AKR1C4: variants seen among roughly 807,000 people sequenced by gnomAD.
AKR1C4 encodes the protein 3-alpha-HSD1.
In AKR1C4, 44 loss-of-function variants were observed where a neutral mutation model predicts 41.0. The observed-to-expected ratio is 1.07, with a 90% confidence interval of 0.84 to 1.38. The LOEUF (loss-of-function observed/expected upper bound fraction) is 1.38. Among genes scored for constraint, AKR1C4 ranks in the 40% most tolerant of loss-of-function variants. The pLI is 0.00. For synonymous variants in AKR1C4, 165 were observed against 137.7 expected, an observed-to-expected ratio of 1.20 and a Z score of -1.39; for missense variants, 438 against 387.9, an observed-to-expected ratio of 1.13 and a Z score of -1.09.
intron 8 of AKR1C4, among the ~76,000 whole-genome samples, chr10:5,217,046 A>G (rs1008286969): frequency 6.6e-6 from 1 of 152,250 alleles, no homozygotes; most frequent in African/African-American, 2.4e-5. Context: ...AGAGCAGCCA[A>G]TATTATTGCT....
At chr10:5,204,343 T>C in intron 2 of AKR1C4, 34 bp from the exon 3 acceptor site, 1 of 1,483,030 alleles carries the variant, frequency 6.7e-7, no homozygotes. Context: ...GCTCATGTTT[T>C]TATTCAACAT....
In AKR1C4 at chr10:5,218,868, C is replaced by A; in HGVS notation, c.*108C>A. On this transcript the variant is annotated 3_prime_UTR_variant, in exon 9 of 9. Coordinates refer to ENST00000263126, the MANE Select transcript of AKR1C4 (RefSeq NM_001818.5). ...ACACACAGCCTCTGGTTAAATCCCT[C>A]CCCTCCTGCTTGGCAACTTCAGCTA... 2.9e-6 allele frequency: 3 copies of A among 1,045,350 alleles called. No homozygotes were observed. The highest frequency in any genetic ancestry group is 4.3e-6 in the Non-Finnish European group (3 of 701,290). The allele number at this position is 1,045,350 out of a possible 1,614,324, so 64.8% of individuals were successfully genotyped here. A position where few individuals can be genotyped will look rare whatever the true frequency, so the allele number is the denominator to read the frequency against.
chr10:5,198,413 A>G (rs942204755), intron 1 of AKR1C4, among the ~76,000 whole-genome samples: 1 of 152,034 alleles, frequency 6.6e-6, no homozygotes, highest in Non-Finnish European at 1.5e-5. Context: ...TCTATAATTA[A>G]CTGGTTGTAC....
intron 3 of AKR1C4, 107 bp from the exon 4 acceptor site, chr10:5,205,650 T>C: frequency 1.1e-6 from 1 of 930,894 alleles, no homozygotes; most frequent in Non-Finnish European, 1.6e-6. Context: ...TTCTAGAACA[T>C]TTCAGCACCT....
At chr10:5,199,392 C>T (rs933811368) in intron 1 of AKR1C4, among the ~76,000 whole-genome samples, 4 of 152,110 alleles carry the variant, frequency 2.6e-5, no homozygotes, top group African/African-American at 7.2e-5. Flanking sequence ...ACGGCTCCAC[C>T]GCCTCGGACC....
intron 2 of AKR1C4, among the ~76,000 whole-genome samples, chr10:5,201,840 G>A (rs1832404072): frequency 6.6e-6 from 1 of 152,078 alleles, no homozygotes; most frequent in African/African-American, 2.4e-5. Flanking sequence ...CTTAACAGTT[G>A]TCCCAGCACC....
At chr10:5,206,163 G>A (rs2132130489) in intron 4 of AKR1C4, 112 bp from the exon 5 acceptor site, 1 of 1,536,080 alleles carries the variant, frequency 6.5e-7, no homozygotes, top group Middle Eastern at 2.4e-4. Flanking sequence ...GAGAATCACT[G>A]CTATTTTCAT....
At chr10:5,214,590 A>G (rs963546081) in intron 7 of AKR1C4, among the ~76,000 whole-genome samples, 2 of 152,218 alleles carry the variant, frequency 1.3e-5, no homozygotes, top group Non-Finnish European at 2.9e-5. Flanking sequence ...ATGTGCTTCA[A>G]TTAGTTACAT....
At position 5,206,299 on chromosome 10, in the gene AKR1C4, G is replaced by A; in HGVS notation, c.472G>A (p.Gly158Arg). 1 of 1,614,088 alleles carries A rather than the reference G, an allele frequency of 6.2e-7. No homozygotes were observed. Among genetic ancestry groups the A allele is most frequent in the East Asian group, 2.2e-5 (1 of 44,878 alleles). The change falls in exon 5 of 9, where the codon GGA becomes AGA. Residue 158 changes from glycine to arginine, a missense_variant. Coordinates refer to ENST00000263126, the MANE Select transcript of AKR1C4 (RefSeq NM_001818.5). ...WEVMEKCKDA[G>R]LAKSIGVSNF... ...GGTCATGGAGAAGTGTAAGGATGCA[G>A]GATTGGCCAAGTCCATCGGGGTGTC...
Position 5,196,882 on chromosome 10 carries a change from T to A in AKR1C4, c.15T>A (p.Tyr5Ter). 2 of 1,614,134 alleles carry A rather than the reference T, an allele frequency of 1.2e-6. No homozygotes were observed. The highest frequency in any genetic ancestry group is 1.7e-6 in the Non-Finnish European group (2 of 1,179,968). ...AGTGGCAAGCAATGGATCCCAAATATCAGCGTGTAGAGCTAAATGATGGTC... is the reference window on the plus strand; with the variant it reads ...AGTGGCAAGCAATGGATCCCAAATAACAGCGTGTAGAGCTAAATGATGGTC... MDPK[Y>*]QRVELNDGHF... The change falls in exon 1 of 9, where the codon TAT becomes TAA. Residue 5 changes from tyrosine (Y) to a stop codon, truncating the protein, a stop_gained. Coordinates refer to ENST00000263126, the MANE Select transcript of AKR1C4 (RefSeq NM_001818.5). LOFTEE classifies it high-confidence loss of function.
At chr10:5,198,139 G>T (rs910877514) in intron 1 of AKR1C4, among the ~76,000 whole-genome samples, 1 of 152,102 alleles carries the variant, frequency 6.6e-6, no homozygotes, top group Admixed American at 6.5e-5. Flanking sequence ...AAAAGAGTTG[G>T]TCTTATTTTT....
chr10:5,200,981 T>C (rs996034823), intron 2 of AKR1C4, among the ~76,000 whole-genome samples: 7 of 152,182 alleles, frequency 4.6e-5, no homozygotes, highest in Non-Finnish European at 8.8e-5. Flanking sequence ...TATATATATA[T>C]ACCACATTTT....
intron 5 of AKR1C4, among the ~76,000 whole-genome samples, chr10:5,210,613 T>G (rs1832559032): frequency 6.6e-6 from 1 of 152,012 alleles, no homozygotes; most frequent in African/African-American, 2.4e-5. Flanking sequence ...TCAATTTTTT[T>G]TTTTTTTTTT....
In AKR1C4 at chr10:5,197,189, C is replaced by T. The variant is rs549786261; in HGVS notation, c.84+238C>T. On this transcript the variant is annotated intron_variant, in intron 1 of 8. Coordinates refer to ENST00000263126, the MANE Select transcript of AKR1C4 (RefSeq NM_001818.5). ...TTATTTTATACACTGTTTTTATATG[C>T]TGTTTCTGTGTATTGCCCAGCTTGG... 8.1e-4 allele frequency among the ~76,000 whole-genome samples: 123 copies of T among 152,332 alleles called. No homozygotes were observed. The South Asian group carries it at 0.024, about 29-fold the overall frequency.
chr10:5,202,919 G>T (rs1194029867), intron 2 of AKR1C4, among the ~76,000 whole-genome samples: 1 of 143,180 alleles, frequency 7.0e-6, no homozygotes, highest in African/African-American at 2.6e-5. Context: ...TCATCAGGGA[G>T]ATTGGTCTAT....
rs201298644 is a variant in AKR1C4, at chr10:5,206,369, G to T, written c.542G>T (p.Gly181Val). 3.0e-4 allele frequency: 484 copies of T among 1,614,040 alleles called. 1 individual carries two copies. The South Asian group carries it at 5.1e-3, about 17-fold the overall frequency. The change falls in exon 5 of 9, where the codon GGA becomes GTA. Residue 181 changes from glycine (G) to valine (V), a missense_variant. Gly to Val is a moderately radical substitution (Grantham distance 109). Transcript: ENST00000263126. ...RQLEMILNKPGLKYKPVCNQV... is the reference protein window; with the variant it reads ...RQLEMILNKPVLKYKPVCNQV... ...CTGGAGATGATCCTCAACAAGCCAG[G>T]ACTCAAGTACAAGCCTGTCTGCAAC... is the stretch of plus-strand genomic sequence containing the variant.
At chr10:5,209,100 G>A (rs1387852291) in intron 5 of AKR1C4, among the ~76,000 whole-genome samples, 3 of 152,132 alleles carry the variant, frequency 2.0e-5, no homozygotes, top group African/African-American at 7.2e-5. Context: ...ACCACAGTAG[G>A]CAGCATGAAA....
Position 5,216,726 on chromosome 10 carries a change from T to G in AKR1C4, c.862T>G (p.Leu288Val). 2 of 1,611,102 alleles carry G rather than the reference T, an allele frequency of 1.2e-6. No homozygotes were observed. The highest frequency in any genetic ancestry group is 1.7e-6 in the Non-Finnish European group (2 of 1,178,216). The change falls in exon 8 of 9, where the codon TTG becomes GTG. Residue 288 changes from leucine (L) to valine (V), a missense_variant. By Grantham distance (32) the Leu-to-Val change is conservative (BLOSUM62 1). Transcript: ENST00000263126. ...TCTTTGGTAGGTTTTTGAATTCCAG[T>G]TGACATCAGAGGATATGAAAGTTCT... ...RENIQVFEFQLTSEDMKVLDG... is the reference protein window; with the variant it reads ...RENIQVFEFQVTSEDMKVLDG...
chr10:5,197,102 GA>G, intron 1 of AKR1C4, 151 bp downstream of exon 1: 1 of 736,166 alleles, frequency 1.4e-6, no homozygotes, highest in Non-Finnish European at 2.3e-6. Flanking sequence ...TGTTCAAAGA[GA>G]AAAGGTAGTC....
Sources: gnomAD v4.1 joint callset for allele counts (sites outside exome capture counted in the v4.1 genomes callset) on GRCh38, gnomAD v4.1.1 for gene constraint, MANE v1.5 for transcripts, NCBI Gene and HGNC (gene_info 2026-07-23, HGNC 2026-07-21) for gene names.